KPNA7: variants seen among roughly 807,000 people sequenced by gnomAD.
The protein encoded by KPNA7 is karyopherin subunit alpha 7, also known as importin subunit alpha-8.
Under a neutral mutation model 53.7 loss-of-function variants are expected in KPNA7, and 54 were observed. The observed-to-expected ratio is 1.01, with a 90% CI of 0.81 to 1.26. The LOEUF is 1.26. Ranked by LOEUF, KPNA7 falls within the 50% of genes most tolerant of loss-of-function variation. The pLI is 0.00. For synonymous variants in KPNA7, 276 were observed against 259.3 expected, an observed-to-expected ratio of 1.06 and a Z score of -0.62; for missense variants, 640 against 644.5, an observed-to-expected ratio of 0.99 and a Z score of 0.07.
chr7:99,192,229 A>C (rs1383745354), intron 6 of KPNA7, among the ~76,000 whole-genome samples: 1 of 152,104 alleles, frequency 6.6e-6, no homozygotes, highest in Admixed American at 6.6e-5. Flanking sequence ...GTGTTCCAAT[A>C]ATGGAACACC....
chr7:99,163,832 T>C, the KPNA7 span, among the ~76,000 whole-genome samples: 1 of 152,192 alleles, frequency 6.6e-6, no homozygotes, highest in South Asian at 2.1e-4. Context: ...TATCATTTTC[T>C]ACTCCTCATG....
chr7:99,197,169 C>A (rs574574385), intron 3 of KPNA7, among the ~76,000 whole-genome samples: 1 of 152,286 alleles, frequency 6.6e-6, no homozygotes, highest in East Asian at 1.9e-4. Flanking sequence ...ATGCCCCCAA[C>A]ACAGAGCTTC....
In KPNA7 at chr7:99,207,475, G is replaced by A; in HGVS notation, c.-9C>T. On this transcript the variant is annotated 5_prime_UTR_variant, in exon 2 of 11. Transcript: ENST00000327442. ...GCATCTAAGGTCGGCATATTGACTG[G>A]AAGTAGTAAGTTACCTGCAGGTTGG... The A allele has an allele frequency of 6.5e-7, 1 of 1,550,000 alleles. No homozygotes were observed. Among genetic ancestry groups the A allele is most frequent in the Non-Finnish European group, 8.7e-7 (1 of 1,145,600 alleles).
chr7:99,170,470 GAAA>G (rs5886096), downstream of KPNA7, among the ~76,000 whole-genome samples: 1 of 150,956 alleles, frequency 6.6e-6, no homozygotes, highest in African/African-American at 2.4e-5. Flanking sequence ...GTTTCAGTGG[GAAA>G]AAAAAATGGT....
the KPNA7 span, among the ~76,000 whole-genome samples, chr7:99,163,302 TAATA>T: frequency 6.9e-6 from 1 of 145,978 alleles, no homozygotes; most frequent in Admixed American, 7.0e-5. Context: ...ATTAAATTTG[TAATA>T]TATTTATATA....
chr7:99,162,333 C>T, the KPNA7 span, among the ~76,000 whole-genome samples: 12 of 152,300 alleles, frequency 7.9e-5, no homozygotes, highest in Middle Eastern at 3.4e-3. Flanking sequence ...CATGAGCCAC[C>T]ATGCCCAGCT....
intron 1 of KPNA7, 124 bp from the exon 2 acceptor site, chr7:99,207,613 CTTTTTTTTTTTTTTTTTTTTTTTTTT>C (rs754881370): frequency 0.031 from 3,838 of 122,816 alleles, 95 homozygotes; most frequent in Admixed American, 0.099. Context: ...AGGAAGCTAG[CTTTTTTTTTTTTTTTTTTTTTTTTTT>C]TTTTTTTTTT....
At chr7:99,176,297 C>CAA (rs1491289534) in intron 10 of KPNA7, among the ~76,000 whole-genome samples, 2,627 of 56,712 alleles carry the variant, frequency 0.046, 63 homozygotes, top group Non-Finnish European at 0.07. Flanking sequence ...GACTACGTCT[C>CAA]AAAAAAAAAA....
At chr7:99,175,613 C>G (rs1254178487) in intron 10 of KPNA7, among the ~76,000 whole-genome samples, 1 of 151,932 alleles carries the variant, frequency 6.6e-6, no homozygotes, top group Non-Finnish European at 1.5e-5. Context: ...CTCTGGGGTT[C>G]AAGCTATTCT....
At chr7:99,181,205 G>A (rs1277258844) in intron 9 of KPNA7, among the ~76,000 whole-genome samples, 5 of 142,430 alleles carry the variant, frequency 3.5e-5, no homozygotes, top group African/African-American at 1.1e-4. Context: ...CTCTCTCTCC[G>A]TCTGTGTCTC....
the KPNA7 span, among the ~76,000 whole-genome samples, chr7:99,156,992 T>C: frequency 6.6e-6 from 1 of 152,198 alleles, no homozygotes; most frequent in Non-Finnish European, 1.5e-5. Context: ...GTCTATATTC[T>C]GAAAGATTTA....
chr7:99,183,662 C>T (rs572379681), intron 8 of KPNA7, among the ~76,000 whole-genome samples: 3 of 152,000 alleles, frequency 2.0e-5, no homozygotes, highest in Non-Finnish European at 4.4e-5. Flanking sequence ...ACAGGAACAC[C>T]GCCAGTAGCT....
downstream of KPNA7, among the ~76,000 whole-genome samples, chr7:99,173,079 A>AAAAAAG (rs936885933): frequency 1.6e-4 from 24 of 150,756 alleles, no homozygotes; most frequent in African/African-American, 5.1e-4. Context: ...AAAAAAAAAA[A>AAAAAAG]AAAAAGAAAA....
chr7:99,202,015 C>A (rs116748700), intron 3 of KPNA7, among the ~76,000 whole-genome samples: 1 of 152,080 alleles, frequency 6.6e-6, no homozygotes, highest in African/African-American at 2.4e-5. Context: ...GCCTTTTTTC[C>A]CTTTTGTTTT....
chr7:99,175,014 T>C (rs1237445943), intron 10 of KPNA7, among the ~76,000 whole-genome samples: 1 of 152,110 alleles, frequency 6.6e-6, no homozygotes, highest in Non-Finnish European at 1.5e-5. Context: ...TTTCACCATG[T>C]TGGCCAGGCT....
chr7:99,150,503 C>T, the KPNA7 span, among the ~76,000 whole-genome samples: 19 of 151,392 alleles, frequency 1.3e-4, no homozygotes, highest in Non-Finnish European at 5.9e-5. Flanking sequence ...CAATCTCCGC[C>T]TCCTGGGTTC....
At chr7:99,194,426 A>G (rs1484462085) in intron 5 of KPNA7, among the ~76,000 whole-genome samples, 1 of 152,088 alleles carries the variant, frequency 6.6e-6, no homozygotes, top group Admixed American at 6.6e-5. Context: ...GTCCCGAGTT[A>G]TGTAAGGGTC....
chr7:99,187,756 TG>T (rs1789674418), intron 7 of KPNA7, among the ~76,000 whole-genome samples: 1 of 149,880 alleles, frequency 6.7e-6, no homozygotes, highest in Admixed American at 6.7e-5. Context: ...TTTGTATTTT[TG>T]TATTTTTACA....
the KPNA7 span, among the ~76,000 whole-genome samples, chr7:99,152,265 G>C: frequency 3.3e-5 from 5 of 151,850 alleles, no homozygotes; most frequent in African/African-American, 1.2e-4. Flanking sequence ...GGGAGGCTGA[G>C]GCAGGAGAAT....
Sources: allele counts gnomAD v4.1 joint callset (sites outside exome capture counted in the v4.1 genomes callset), GRCh38; gene constraint gnomAD v4.1.1; transcripts MANE v1.5; gene names NCBI Gene and HGNC (gene_info 2026-07-23, HGNC 2026-07-21).